ADGB: variants seen among roughly 807,000 people sequenced by gnomAD.
The protein encoded by ADGB is calpain-7-like protein.
In ADGB, 172 loss-of-function variants were observed where a neutral mutation model predicts 210.5. The ratio of observed to expected loss-of-function variants is 0.82; its 90% CI spans 0.72 to 0.93. The LOEUF is 0.93. Ranked by LOEUF, ADGB falls within the 40% of genes least tolerant of loss-of-function variation. The probability of loss-of-function intolerance (pLI) is 0.00; values close to 1 mark genes in which losing one functional copy is unlikely to be tolerated. For synonymous variants in ADGB, 658 were observed against 662.7 expected (o/e 0.99, Z 0.11); for missense variants, 2,025 against 1,964.8 (o/e 1.03, Z -0.58).
chr6:146,679,194 G>A (rs77344739), intron 9 of ADGB, among the ~76,000 whole-genome samples: 1,579 of 152,270 alleles, frequency 0.01, 22 homozygotes, highest in African/African-American at 0.034. Context: ...CATTTCAGGA[G>A]AAAGAGGAAA....
At chr6:146,692,626 A>G (rs1007663561) in intron 11 of ADGB, among the ~76,000 whole-genome samples, 199 bp from the exon 12 acceptor site, 2 of 152,238 alleles carry the variant, frequency 1.3e-5, no homozygotes, top group Non-Finnish European at 2.9e-5. Context: ...GAGTAGACAA[A>G]AGAAATTGAA....
chr6:146,807,335 T>C (rs1778226510), intron 35 of ADGB: 13 of 1,486,762 alleles, frequency 8.7e-6, no homozygotes, highest in South Asian at 2.6e-5. Context: ...GAATTTCATT[T>C]TTTTCTTTCT....
At position 146,691,430 on chromosome 6, in the gene ADGB, A is replaced by ATTTATATATATATT. The variant is rs1776310045; in HGVS notation, c.1486+141_1486+142insTTATATATATATTT. The stretch of plus-strand genomic sequence containing the variant: ...ATGTTTAATATATATATATATATAT[A>ATTTATATATATATT]TATATATATATAAAAATATATATAT... On this transcript the variant is annotated intron_variant, in intron 11 of 35. Transcript: ENST00000397944. The ATTTATATATATATT allele has an allele frequency of 5.2e-4, 15 of 28,684 alleles. 2 individuals are homozygous for ATTTATATATATATT. The highest frequency in any genetic ancestry group is 3.0e-3 in the African/African-American group (13 of 4,368). 1.8% of individuals were successfully genotyped at this position (28,684 alleles called of 1,614,324 possible).
At chr6:146,809,349 G>A (rs971470410) in intron 35 of ADGB, among the ~76,000 whole-genome samples, 8 of 152,126 alleles carry the variant, frequency 5.3e-5, no homozygotes, top group African/African-American at 1.9e-4. Context: ...TGGGATTAGT[G>A]GTGCAGCCAC....
chr6:146,660,431 A>G (rs1158895256), intron 5 of ADGB, among the ~76,000 whole-genome samples: 1 of 152,158 alleles, frequency 6.6e-6, no homozygotes, highest in Admixed American at 6.6e-5. Flanking sequence ...ACAGCAAATG[A>G]TTTATTTATA....
intron 9 of ADGB, among the ~76,000 whole-genome samples, chr6:146,681,485 C>T (rs1776156471): frequency 6.6e-6 from 1 of 152,046 alleles, no homozygotes; most frequent in Admixed American, 6.6e-5. Context: ...GCAAGTATGG[C>T]CTAATACAGT....
chr6:146,807,495 C>G (rs371045377), intron 35 of ADGB: 5 of 1,551,566 alleles, frequency 3.2e-6, no homozygotes, highest in South Asian at 1.2e-5. Flanking sequence ...GCTGGAAGCT[C>G]TCTCTGCTCA....
intron 1 of ADGB, among the ~76,000 whole-genome samples, chr6:146,625,241 G>A (rs1484668827): frequency 6.6e-6 from 1 of 151,998 alleles, no homozygotes; most frequent in Non-Finnish European, 1.5e-5. Context: ...GTGTTAAGAA[G>A]CTCTGTTATT....
chr6:146,667,997 G>A (rs940242794), intron 7 of ADGB, among the ~76,000 whole-genome samples: 9 of 151,994 alleles, frequency 5.9e-5, no homozygotes, highest in East Asian at 3.9e-4. Context: ...TAGATATAGA[G>A]AAATTGCTTC....
chr6:146,662,713 T>C (rs1775879566), intron 5 of ADGB, among the ~76,000 whole-genome samples: 1 of 151,990 alleles, frequency 6.6e-6, no homozygotes, highest in Non-Finnish European at 1.5e-5. Context: ...TTTGTAGTGT[T>C]ATGTTTTACA....
At chr6:146,701,891 G>A (rs929209378) in intron 13 of ADGB, among the ~76,000 whole-genome samples, 2 of 151,884 alleles carry the variant, frequency 1.3e-5, no homozygotes. Context: ...TCTAATACCT[G>A]CTGTAATTTC....
At chr6:146,640,835 C>G (rs1443819739) in intron 2 of ADGB, among the ~76,000 whole-genome samples, 1 of 151,892 alleles carries the variant, frequency 6.6e-6, no homozygotes, top group East Asian at 1.9e-4. Flanking sequence ...AGAAGCATTC[C>G]CCTTTGAAAA....
At chr6:146,725,616 T>G (rs950727951) in intron 18 of ADGB, 4 of 152,380 alleles carry the variant, frequency 2.6e-5, no homozygotes, top group African/African-American at 9.7e-5. Context: ...CTGCTCTAAA[T>G]GCTCAATAAC....
chr6:146,625,278 T>C (rs1780956195), intron 1 of ADGB, among the ~76,000 whole-genome samples: 1 of 152,146 alleles, frequency 6.6e-6, no homozygotes, highest in Admixed American at 6.6e-5. Context: ...AGGATTGTTA[T>C]ATGCACCCAG....
chr6:146,769,149 T>G lies in ADGB; in HGVS notation c.3862+18T>G, dbSNP rs1425342360. The G allele has an allele frequency of 7.9e-7, 1 of 1,260,568 alleles. No homozygotes were observed. The highest frequency in any genetic ancestry group is 1.1e-6 in the Non-Finnish European group (1 of 894,162). The allele number at this position is 1,260,568 out of a possible 1,614,324, so 78.1% of individuals were successfully genotyped here. A position where few individuals can be genotyped will look rare whatever the true frequency, so the allele number is the denominator to read the frequency against. On this transcript the variant is annotated intron_variant, in intron 29 of 35. Coordinates refer to ENST00000397944, the MANE Select transcript of ADGB (RefSeq NM_024694.4). ...TACCAAAGGTATGTCACCCTAAATG[T>G]TTAAACATGCACTTTACATTTGAAT...
intron 30 of ADGB, among the ~76,000 whole-genome samples, chr6:146,783,171 T>C (rs573227448): frequency 6.6e-6 from 1 of 151,980 alleles, no homozygotes; most frequent in African/African-American, 2.4e-5. Flanking sequence ...AAAGGTGGGG[T>C]GCAGTTATTA....
chr6:146,659,793 T>G (rs989277110), intron 5 of ADGB, among the ~76,000 whole-genome samples: 5 of 152,110 alleles, frequency 3.3e-5, no homozygotes, highest in African/African-American at 4.8e-5. Context: ...TCAAGTGCCT[T>G]CCAATGGCAG....
intron 12 of ADGB, among the ~76,000 whole-genome samples, chr6:146,699,594 C>T (rs138523866): frequency 1.9e-3 from 289 of 152,232 alleles, no homozygotes; most frequent in African/African-American, 6.5e-3. Context: ...CTCACAGACA[C>T]ACCCAGAAAT....
chr6:146,635,012 A>G (rs1775391300), intron 1 of ADGB, among the ~76,000 whole-genome samples: 1 of 152,016 alleles, frequency 6.6e-6, no homozygotes, highest in African/African-American at 2.4e-5. Context: ...TCAAAAAAAT[A>G]TATGTAGACT....
Sources: gnomAD v4.1 joint callset for allele counts (sites outside exome capture counted in the v4.1 genomes callset) on GRCh38, gnomAD v4.1.1 for gene constraint, MANE v1.5 for transcripts, NCBI Gene and HGNC (gene_info 2026-07-23, HGNC 2026-07-21) for gene names.